Variants in PLA1A observed in about 807,000 individuals in gnomAD.
PLA1A encodes phospholipase A1 member A.
A neutral mutation model predicts 49.4 loss-of-function variants in PLA1A; 47 were observed. The observed-to-expected ratio is 0.95, with a 90% CI of 0.75 to 1.21. The LOEUF (loss-of-function observed/expected upper bound fraction) is 1.21, where lower values mean the gene tolerates loss of function less well. Among genes scored for constraint, PLA1A ranks in the 50% most tolerant of loss-of-function variants. The probability of loss-of-function intolerance (pLI) is 0.00; values close to 1 mark genes in which losing one functional copy is unlikely to be tolerated. For synonymous variants in PLA1A, 224 were observed against 207.9 expected, an observed-to-expected ratio of 1.08 and a Z score of -0.67; for missense variants, 561 against 563.9, an observed-to-expected ratio of 0.99 and a Z score of 0.05.
intron 8 of PLA1A, among the ~76,000 whole-genome samples, chr3:119,623,725 T>TC (rs1393392464): frequency 1.4e-5 from 2 of 144,732 alleles, no homozygotes; most frequent in African/African-American, 2.6e-5. Context: ...TTCTTTTTTT[T>TC]TTTTTTTTTT....
chr3:119,629,262 G>C (rs1436157278), intron 10 of PLA1A, 122 bp from the exon 11 acceptor site: 18 of 718,420 alleles, frequency 2.5e-5, no homozygotes, highest in Non-Finnish European at 4.3e-5. Context: ...CACAGGAACT[G>C]GCTCTTAATT....
chr3:119,603,667 A>C (rs2082646945), intron 1 of PLA1A, among the ~76,000 whole-genome samples: 1 of 152,234 alleles, frequency 6.6e-6, no homozygotes, highest in Admixed American at 6.5e-5. Context: ...GCACATTAAA[A>C]TTTTAAATAG....
At chr3:119,607,515 G>T (rs1018418100) in intron 2 of PLA1A, among the ~76,000 whole-genome samples, 22 of 152,306 alleles carry the variant, frequency 1.4e-4, no homozygotes, top group African/African-American at 4.8e-4. Flanking sequence ...ACAGAGAAAG[G>T]TTTCTGGGAG....
intron 8 of PLA1A, chr3:119,620,163 G>A (rs1877595): frequency 0.52 from 237,909 of 456,044 alleles, 64,040 homozygotes; most frequent in East Asian, 0.89. Context: ...TAAATGTGAA[G>A]TAAAAATGTG....
rs2692622 is a variant in PLA1A at position 119,618,115 on chromosome 3, G to A, written c.851G>A (p.Ser284Asn). The change falls in exon 7 of 11, where the codon AGC becomes AAC. Residue 284 changes from serine (S) to asparagine (N), a missense_variant. Coordinates refer to ENST00000273371, the MANE Select transcript of PLA1A (RefSeq NM_015900.4). Reference sequence around the variant, plus strand: ...CCACTGATGGCCTTTCCCTGTGCCAGCTACAAGGCCTTCCTTGCTGGACGC... The same window carrying A: ...CCACTGATGGCCTTTCCCTGTGCCAACTACAAGGCCTTCCTTGCTGGACGC... ...SCPLMAFPCA[S>N]YKAFLAGRCL... 8.1e-3 allele frequency: 13,007 copies of A among 1,613,990 alleles called. 949 individuals are homozygous for A. The African/African-American group carries it at 0.15, about 19-fold the overall frequency.
intron 5 of PLA1A, among the ~76,000 whole-genome samples, chr3:119,614,681 C>T (rs192137676): frequency 1.3e-5 from 2 of 151,818 alleles, no homozygotes; most frequent in Admixed American, 1.3e-4. Context: ...ATTAGGTACC[C>T]ATTTACCTAA....
At chr3:119,613,578 T>C (rs1412420158) in intron 5 of PLA1A, among the ~76,000 whole-genome samples, 2 of 152,168 alleles carry the variant, frequency 1.3e-5, no homozygotes, top group East Asian at 3.9e-4. Flanking sequence ...AGCTTGGCCC[T>C]TCAGTCCAGT....
intron 5 of PLA1A, among the ~76,000 whole-genome samples, chr3:119,615,805 G>A (rs995900313): frequency 2.0e-5 from 3 of 150,798 alleles, no homozygotes; most frequent in East Asian, 1.9e-4. Context: ...GAGCGAGAGA[G>A]CGAAAAAAGA....
chr3:119,609,051 C>A (rs2082731329), intron 3 of PLA1A, 104 bp downstream of exon 3: 2 of 889,448 alleles, frequency 2.2e-6, no homozygotes, highest in Admixed American at 4.7e-5. Context: ...AGCAGAGTCA[C>A]CAGGTAGCTC....
intron 3 of PLA1A, 151 bp from the exon 4 acceptor site, chr3:119,609,317 A>G: frequency 1.4e-6 from 1 of 724,472 alleles, no homozygotes; most frequent in South Asian, 1.5e-5. Context: ...GTGATTAACA[A>G]TGAGAGTGCT....
intron 5 of PLA1A, among the ~76,000 whole-genome samples, chr3:119,614,550 G>A (rs954168991): frequency 6.7e-6 from 1 of 148,826 alleles, no homozygotes; most frequent in Admixed American, 6.8e-5. Context: ...AGCTTGCAGT[G>A]AGCGGAGATC....
chr3:119,622,468 G>C (rs959057932), intron 8 of PLA1A, among the ~76,000 whole-genome samples: 1 of 152,188 alleles, frequency 6.6e-6, no homozygotes, highest in African/African-American at 2.4e-5. Flanking sequence ...CTCTGTGGAG[G>C]GGAAGCATTC....
intron 1 of PLA1A, among the ~76,000 whole-genome samples, chr3:119,601,710 G>C (rs1388296897): frequency 6.6e-6 from 1 of 152,150 alleles, no homozygotes; most frequent in African/African-American, 2.4e-5. Context: ...CAGTGGTTAG[G>C]ACTAGGTCCT....
chr3:119,610,319 C>T (rs2082748365), intron 4 of PLA1A, among the ~76,000 whole-genome samples: 1 of 151,992 alleles, frequency 6.6e-6, no homozygotes, highest in South Asian at 2.1e-4. Flanking sequence ...AGAAGAATTT[C>T]TTTTCCTTTG....
chr3:119,614,342 A>G (rs1228952169), intron 5 of PLA1A, among the ~76,000 whole-genome samples: 1 of 152,158 alleles, frequency 6.6e-6, no homozygotes, highest in Non-Finnish European at 1.5e-5. Context: ...GGTGGCTCAC[A>G]CCTGTAATCC....
intron 7 of PLA1A, among the ~76,000 whole-genome samples, chr3:119,618,960 C>T (rs2082891064): frequency 6.6e-6 from 1 of 152,176 alleles, no homozygotes; most frequent in Non-Finnish European, 1.5e-5. Context: ...TCATTATTTC[C>T]TATTCATTGT....
intron 1 of PLA1A, among the ~76,000 whole-genome samples, chr3:119,604,170 C>T (rs2082653413): frequency 6.6e-6 from 1 of 152,072 alleles, no homozygotes; most frequent in Admixed American, 6.5e-5. Context: ...ATTAGTATAG[C>T]CACTATGGAG....
At chr3:119,621,432 T>A (rs550547262) in intron 8 of PLA1A, among the ~76,000 whole-genome samples, 1 of 152,092 alleles carries the variant, frequency 6.6e-6, no homozygotes. Context: ...CCTGGACAGA[T>A]ATGGGTAGGG....
intron 8 of PLA1A, among the ~76,000 whole-genome samples, chr3:119,622,260 G>A (rs909746106): frequency 3.9e-5 from 6 of 152,092 alleles, no homozygotes; most frequent in Non-Finnish European, 8.8e-5. Flanking sequence ...TGCTAGCAAA[G>A]GAAGAAGTAT....
Sources: gnomAD v4.1 joint callset for allele counts (sites outside exome capture counted in the v4.1 genomes callset) on GRCh38, gnomAD v4.1.1 for gene constraint, MANE v1.5 for transcripts, NCBI Gene and HGNC (gene_info 2026-07-23, HGNC 2026-07-21) for gene names.